The following SPTB variants were observed in gnomAD, a reference collection of about 807,000 sequenced individuals.
SPTB encodes the protein spectrin beta, erythrocytic.
In SPTB, 45 loss-of-function variants were observed where a neutral mutation model predicts 256.2. That is an observed-to-expected ratio of 0.18 (90% CI 0.14 to 0.23). SPTB has a LOEUF of 0.23. Ranked by LOEUF, SPTB falls within the 10% of genes least tolerant of loss-of-function variation. SPTB has a pLI of 1.00. For missense variants in SPTB, 2,715 were observed against 3,040.4 expected, an observed-to-expected ratio of 0.89 and a Z score of 2.52; for synonymous variants, 1,231 against 1,243.1, an observed-to-expected ratio of 0.99 and a Z score of 0.21.
Position 64,823,183 on chromosome 14 carries a change from A to AC in SPTB, c.-51-39dup. The AC allele has an allele frequency of 1.2e-5, 18 of 1,516,840 alleles. No homozygotes were observed. In the South Asian group the frequency reaches 1.8e-4, roughly 15 times the overall value. The allele number at this position is 1,516,840 out of a possible 1,614,324, so 94.0% of individuals were successfully genotyped here. Reference sequence around the variant, plus strand: ...AACACAGTCAGAGGGTTATCTCTCTACCCCCTCGGACTTTTTCTCCGGGGA... The same window carrying AC: ...AACACAGTCAGAGGGTTATCTCTCTACCCCCCTCGGACTTTTTCTCCGGGGA... On this transcript the variant is annotated intron_variant, in intron 1 of 35. Coordinates refer to ENST00000644917, the MANE Select transcript of SPTB (RefSeq NM_001355436.2). This position sits in a 1 kb window ranked among gnomAD's most constrained non-coding sequence, Gnocchi z 6.5.
intron 1 of SPTB, among the ~76,000 whole-genome samples, chr14:64,859,775 A>T (rs2083935027): frequency 6.6e-6 from 1 of 152,118 alleles, no homozygotes; most frequent in African/African-American, 2.4e-5. Context: ...ATATGGAGGA[A>T]TATGCATCAA....
rs576056498 is a variant in SPTB at position 64,784,366 on chromosome 14, G to A, written c.3883C>T (p.Leu1295=). The change falls in exon 19 of 36, where the codon CTG becomes TTG. Residue 1295 remains leucine, a synonymous_variant. Transcript: ENST00000644917. ...TCATAGGAGACATCCTGAGATGTCA[G>A]CAGCTTGTCGTTGATCCAGAGAGTG... The part of the protein sequence containing the change: ...ELTLWINDKL[L]TSQDVSYDEA... The A allele has an allele frequency of 1.2e-5, 20 of 1,614,274 alleles. No individual in the cohort carries two copies. The African/African-American group carries it at 1.7e-4, about 14-fold the overall frequency.
chr14:64,811,312 G>C (rs1388338381), intron 2 of SPTB, among the ~76,000 whole-genome samples: 1 of 152,138 alleles, frequency 6.6e-6, no homozygotes, highest in Non-Finnish European at 1.5e-5. Flanking sequence ...ATAAAAAATT[G>C]TACAAGTCAC....
rs112069604 is a variant in SPTB at position 64,879,522 on chromosome 14, C to T, written c.-52+270G>A. 2.1e-3 allele frequency among the ~76,000 whole-genome samples: 321 copies of T among 152,324 alleles called. 1 individual carries two copies. Among genetic ancestry groups the T allele is most frequent in the African/African-American group, 7.6e-3 (317 of 41,574 alleles). ...CCCGGGGTGACGGACTCTCCGGGAT[C>T]CCGCTCTCCAAAGCTAGCACCAAGT... On this transcript the variant is annotated intron_variant, in intron 1 of 35. Transcript: ENST00000644917.
Position 64,793,644 on chromosome 14 carries a change from G to A in SPTB, c.2019C>T (p.Leu673=), listed in dbSNP as rs756513629. 1.9e-5 allele frequency: 30 copies of A among 1,614,060 alleles called. No individual in the cohort carries two copies. The highest frequency in any genetic ancestry group is 2.4e-5 in the Non-Finnish European group (28 of 1,180,056). Residue 673 remains leucine, a synonymous_variant, in exon 14 of 36, where the codon CTC becomes CTT. Coordinates refer to ENST00000644917, the MANE Select transcript of SPTB (RefSeq NM_001355436.2). The surrounding 1 kb of genome is among the most constrained non-coding windows in gnomAD (Gnocchi z 7.0). ...AGGCCTTGTGCTTGCGCTGTAAGAT[G>A]AGCACACTGGTCAGGTCTTTGCCAT... ...LDYGKDLTSV[L]ILQRKHKAFE... is the part of the protein sequence containing the mutation.
chr14:64,818,226 A>AG (rs2139684173), intron 2 of SPTB, among the ~76,000 whole-genome samples: 1 of 152,338 alleles, frequency 6.6e-6, no homozygotes, highest in South Asian at 2.1e-4. Context: ...AAAGAACAGG[A>AG]GGAAGACTGA....
In SPTB at chr14:64,784,292, C is replaced by A. The variant is rs2082524021; in HGVS notation, c.3957G>T (p.Val1319=). 5 of 1,614,130 alleles carry A rather than the reference C, an allele frequency of 3.1e-6. No individual in the cohort carries two copies. The highest frequency in any genetic ancestry group is 4.2e-6 in the Non-Finnish European group (5 of 1,180,056). ...ACCCTTCATGGGAAGCCAGCTCTGC[C>A]ACAAACGCCTGGTGCTTTAGCCATT... ...HNKWLKHQAF[V]AELASHEGWL... The change falls in exon 19 of 36, where the codon GTG becomes GTT. Residue 1319 remains valine (V), a synonymous_variant. Transcript: ENST00000644917.
In SPTB at chr14:64,773,353, C is replaced by A. The variant is rs748760619; in HGVS notation, c.5045G>T (p.Arg1682Leu). Residue 1682 changes from arginine to leucine, a missense_variant, in exon 25 of 36, where the codon CGC becomes CTC. Physicochemically the swap from Arg to Leu is moderately radical, Grantham distance 102 (BLOSUM62 -2). Around this residue, in one of 4 missense-constraint regions of SPTB, gnomAD observed 2,239 missense variants for 2,384.4 expected, o/e 0.94. Transcript: ENST00000644917. ...GTACATGTTCTCCAGCTTGCGCTTG[C>A]GCTCTTCCGCCACGTCCTTCAGCCC... ...YAGLKDVAEE[R>L]KRKLENMYHL... 5 of 1,614,228 alleles carry A rather than the reference C, an allele frequency of 3.1e-6. No individual in the cohort carries two copies. The highest frequency in any genetic ancestry group is 3.3e-4 in the Middle Eastern group (2 of 6,062).
intron 1 of SPTB, among the ~76,000 whole-genome samples, chr14:64,879,336 A>G (rs74578433): frequency 0.086 from 13,119 of 152,210 alleles, 778 homozygotes; most frequent in Admixed American, 0.13. Flanking sequence ...AGTTCCCCAG[A>G]AGAGGGATAT....
chr14:64,748,478 T>G lies in SPTB; in HGVS notation c.*828A>C, dbSNP rs2081884139. 1 of 152,336 alleles carries G rather than the reference T, an allele frequency of 6.6e-6. No homozygotes were observed. The highest frequency in any genetic ancestry group is 6.5e-5 in the Admixed American group (1 of 15,288). 9.4% of individuals were successfully genotyped at this position (152,336 alleles called of 1,614,324 possible). Reference sequence around the variant, plus strand: ...GTCACTCCTTCAGATCAGAGCCCTGTGCCCTAGCCACGGTTTTCAATGAGG... The same window carrying G: ...GTCACTCCTTCAGATCAGAGCCCTGGGCCCTAGCCACGGTTTTCAATGAGG... On this transcript the variant is annotated 3_prime_UTR_variant, in exon 36 of 36. Transcript: ENST00000644917.
At chr14:64,850,141 GCTTT>G (rs1245010637) in intron 1 of SPTB, among the ~76,000 whole-genome samples, 1 of 152,190 alleles carries the variant, frequency 6.6e-6, no homozygotes, top group Non-Finnish European at 1.5e-5. Context: ...TATAGAAAAA[GCTTT>G]CTGACTTCTG....
intron 9 of SPTB, 114 bp downstream of exon 9, chr14:64,799,633 T>C (rs991022444): frequency 3.2e-6 from 4 of 1,250,104 alleles, no homozygotes; most frequent in African/African-American, 3.0e-5. Flanking sequence ...AGCTCTCTAA[T>C]CTTGAGGGTG....
Position 64,779,076 on chromosome 14 carries a change from G to A in SPTB, c.4563+81C>T. On this transcript the variant is annotated intron_variant, in intron 22 of 35. Transcript: ENST00000644917. The surrounding 1 kb of genome is among the most constrained non-coding windows in gnomAD (Gnocchi z 4.2). ...ATCTGCTGTTGCTAGCCTTCTGCAG[G>A]TCAGGGCTGGGCCTACCCCCGTGGG... 4 of 1,104,144 alleles carry A rather than the reference G, an allele frequency of 3.6e-6. No homozygotes were observed. The highest frequency in any genetic ancestry group is 5.4e-6 in the Non-Finnish European group (4 of 739,360). 68.4% of individuals were successfully genotyped at this position (1,104,144 alleles called of 1,614,324 possible). A position where few individuals can be genotyped will look rare whatever the true frequency, so the allele number is the denominator to read the frequency against.
intron 7 of SPTB, 89 bp from the exon 8 acceptor site, chr14:64,800,957 A>G: frequency 9.9e-7 from 1 of 1,007,896 alleles, no homozygotes; most frequent in Admixed American, 2.0e-5. Context: ...CTCCAGCATC[A>G]AGTTCAACTA....
rs1428931912 is a variant in SPTB, at chr14:64,777,361, G to C, written c.4563+1796C>G. On this transcript the variant is annotated intron_variant, in intron 22 of 35. Coordinates refer to ENST00000644917, the MANE Select transcript of SPTB (RefSeq NM_001355436.2). This position sits in a 1 kb window ranked among gnomAD's most constrained non-coding sequence, Gnocchi z 4.5. ...TGGTTCTTAATCCTGATTGCCCACT[G>C]AATAATCCAGGGAAACAGATGCAGC... Among the ~76,000 whole-genome samples the C allele has an allele frequency of 6.6e-6, 1 of 152,176 alleles. No individual in the cohort carries two copies. Among genetic ancestry groups the C allele is most frequent in the Non-Finnish European group, 1.5e-5 (1 of 68,020 alleles).
At chr14:64,750,690 C>T (rs562043350) in intron 33 of SPTB, among the ~76,000 whole-genome samples, 3 of 151,814 alleles carry the variant, frequency 2.0e-5, no homozygotes, top group South Asian at 4.1e-4. Context: ...ACAGGAGAAT[C>T]GCTTGAACCC....
At chr14:64,805,566 T>C (rs1388642542) in intron 2 of SPTB, among the ~76,000 whole-genome samples, 3 of 152,192 alleles carry the variant, frequency 2.0e-5, no homozygotes, top group Non-Finnish European at 4.4e-5. Flanking sequence ...TCCCTTCATG[T>C]GCCCTGCTCC....
chr14:64,791,641 A>T (rs2082675406), intron 15 of SPTB, 78 bp downstream of exon 15: 1 of 1,559,658 alleles, frequency 6.4e-7, no homozygotes, highest in African/African-American at 1.4e-5. Flanking sequence ...AGGTGGACTA[A>T]ATTTTGGGCC....
In SPTB at chr14:64,796,685, G is replaced by C; in HGVS notation, c.1213C>G (p.Arg405Gly). The change falls in exon 11 of 36, where the codon CGG (arginine) becomes GGG (glycine). Residue 405 changes from arginine to glycine, a missense_variant. By Grantham distance (125) the Arg-to-Gly change is moderately radical. This residue lies in a region of SPTB where 416 missense variants were observed against 571.1 expected (regional missense o/e 0.73). Transcript: ENST00000644917. The surrounding 1 kb of genome is among the most constrained non-coding windows in gnomAD (Gnocchi z 4.1). ...AWESLEEAEY[R>G]RELALRNELI... Reference sequence around the variant, plus strand: ...TCATTTCTCAGGGCCAGCTCCCGCCGATACTCAGCTTCCTCCAGGCTTTCC... The same window carrying C: ...TCATTTCTCAGGGCCAGCTCCCGCCCATACTCAGCTTCCTCCAGGCTTTCC... 1.2e-6 allele frequency: 2 copies of C among 1,614,200 alleles called. No individual in the cohort carries two copies. Among genetic ancestry groups the C allele is most frequent in the Non-Finnish European group, 1.7e-6 (2 of 1,180,048 alleles).
Sources: gnomAD v4.1 joint callset for allele counts (sites outside exome capture counted in the v4.1 genomes callset) on GRCh38, gnomAD v4.1.1 for gene constraint, gnomAD v4.1.1 regional missense constraint, Gnocchi (gnomAD v3.1) non-coding constraint, MANE v1.5 for transcripts, NCBI Gene and HGNC (gene_info 2026-07-23, HGNC 2026-07-21) for gene names.